PDE4D: variants seen among roughly 807,000 people sequenced by gnomAD.
PDE4D encodes the protein phosphodiesterase 4D.
In PDE4D, 24 loss-of-function variants were observed where a neutral mutation model predicts 87.4. That is an observed-to-expected ratio of 0.27 (90% confidence interval 0.20 to 0.39). The LOEUF (loss-of-function observed/expected upper bound fraction) is 0.39, where lower values mean the gene tolerates loss of function less well. Ranked by LOEUF, PDE4D falls within the 10% of genes least tolerant of loss-of-function variation. The pLI is 1.00. For synonymous variants in PDE4D, 384 were observed against 383.2 expected (o/e 1.00, Z -0.02); for missense variants, 714 against 1,041.0 (o/e 0.69, Z 4.32).
chr5:59,489,824 C>T (rs376051508), intron 1 of PDE4D, among the ~76,000 whole-genome samples: 4 of 152,140 alleles, frequency 2.6e-5, no homozygotes, highest in Admixed American at 2.6e-4. Context: ...AGTTTTCTCC[C>T]TATTTCTTTA....
intron 2 of PDE4D, among the ~76,000 whole-genome samples, chr5:60,163,335 A>T (rs1055781369): frequency 5.3e-5 from 8 of 151,898 alleles, no homozygotes; most frequent in Admixed American, 3.9e-4. Flanking sequence ...GTCCATTTCT[A>T]CATATTTTTT....
chr5:60,368,651 C>T (rs1480634283), intron 1 of PDE4D, among the ~76,000 whole-genome samples: 1 of 152,124 alleles, frequency 6.6e-6, no homozygotes, highest in African/African-American at 2.4e-5. Flanking sequence ...GAATTGTAAT[C>T]CCCAGTGTTA....
chr5:60,366,010 CTCCAGCCTGGGTGACAGAG>C (rs1322076168), intron 1 of PDE4D, among the ~76,000 whole-genome samples: 2 of 150,364 alleles, frequency 1.3e-5, no homozygotes, highest in Non-Finnish European at 2.9e-5. Flanking sequence ...TGCCCCTATG[CTCCAGCCTGGGTGACAGAG>C]TAAGACTCTG....
At chr5:60,012,702 C>A (rs1166891385) in intron 2 of PDE4D, among the ~76,000 whole-genome samples, 7 of 152,144 alleles carry the variant, frequency 4.6e-5, no homozygotes, top group Admixed American at 4.6e-4. Context: ...CATAGCCTGA[C>A]AGTTTCTGTG....
intron 5 of PDE4D, among the ~76,000 whole-genome samples, chr5:59,074,619 G>A (rs188672104): frequency 7.2e-5 from 11 of 152,204 alleles, no homozygotes; most frequent in Admixed American, 6.5e-4. Context: ...ATAACTAGGC[G>A]TGGTGGTGCA....
At chr5:60,313,404 A>T (rs1005080980) in intron 1 of PDE4D, among the ~76,000 whole-genome samples, 1 of 152,232 alleles carries the variant, frequency 6.6e-6, no homozygotes, top group Admixed American at 6.5e-5. Context: ...AATCCTGAAC[A>T]GACCAATGAC....
chr5:59,027,427 G>A (rs1287979262), intron 6 of PDE4D, among the ~76,000 whole-genome samples: 1 of 152,138 alleles, frequency 6.6e-6, no homozygotes, highest in East Asian at 1.9e-4. Flanking sequence ...CACTTACGGT[G>A]TAGGGGGTTA....
At chr5:60,110,020 A>C (rs1777508850) in intron 2 of PDE4D, among the ~76,000 whole-genome samples, 1 of 151,886 alleles carries the variant, frequency 6.6e-6, no homozygotes, top group African/African-American at 2.4e-5. Flanking sequence ...ATAATAATTA[A>C]AAAAAAATTA....
intron 3 of PDE4D, among the ~76,000 whole-genome samples, chr5:59,984,065 G>C (rs1398478064): frequency 6.6e-6 from 1 of 152,036 alleles, no homozygotes; most frequent in African/African-American, 2.4e-5. Context: ...ACTAATAGAA[G>C]CCAGACACAA....
chr5:59,875,891 G>C (rs1295634674), intron 1 of PDE4D, among the ~76,000 whole-genome samples: 1 of 152,136 alleles, frequency 6.6e-6, no homozygotes, highest in Non-Finnish European at 1.5e-5. Flanking sequence ...TTCTCACTTA[G>C]AGGTGGGAGC....
chr5:59,075,117 C>T (rs1765476303), intron 5 of PDE4D, among the ~76,000 whole-genome samples: 1 of 147,398 alleles, frequency 6.8e-6, no homozygotes, highest in Non-Finnish European at 1.5e-5. Flanking sequence ...CACACACACA[C>T]ACACACAATT....
chr5:60,158,623 C>T (rs1224260130), intron 2 of PDE4D, among the ~76,000 whole-genome samples: 1 of 152,158 alleles, frequency 6.6e-6, no homozygotes, highest in African/African-American at 2.4e-5. Context: ...AGTGCAGTGG[C>T]GCAATCTCGG....
At position 60,401,817 on chromosome 5, in the gene PDE4D, G is replaced by A. The variant is rs146409042; in HGVS notation, c.-90+86125C>T. Among the ~76,000 whole-genome samples the A allele has an allele frequency of 4.6e-5, 7 of 152,292 alleles. No homozygotes were observed. The South Asian group carries it at 6.2e-4, about 14-fold the overall frequency. On this transcript the variant is annotated intron_variant, in intron 1 of 16. Coordinates refer to the PDE4D transcript ENST00000502484. ...CCCAGAACATGTTTGCAGCATCTGCGTCAATCAACAGATATGTCTAGCCCA... is the reference window on the plus strand; with the variant it reads ...CCCAGAACATGTTTGCAGCATCTGCATCAATCAACAGATATGTCTAGCCCA...
At chr5:59,312,409 T>C (rs1024353910) in intron 1 of PDE4D, among the ~76,000 whole-genome samples, 1 of 152,180 alleles carries the variant, frequency 6.6e-6, no homozygotes, top group African/African-American at 2.4e-5. Flanking sequence ...GTTCCCCAGC[T>C]GGACCCCAAT....
chr5:59,174,432 C>G (rs1407647492), intron 5 of PDE4D: 1 of 152,620 alleles, frequency 6.6e-6, no homozygotes, highest in Non-Finnish European at 1.5e-5. Context: ...GTGTCTCCCC[C>G]TACAGGTAAA....
chr5:60,366,335 A>G (rs986287088), intron 1 of PDE4D, among the ~76,000 whole-genome samples: 1 of 152,094 alleles, frequency 6.6e-6, no homozygotes, highest in African/African-American at 2.4e-5. Flanking sequence ...CTCAAGTATA[A>G]CTGCCCCAAA....
At chr5:60,418,305 C>T (rs1742793581) in intron 1 of PDE4D, among the ~76,000 whole-genome samples, 1 of 152,042 alleles carries the variant, frequency 6.6e-6, no homozygotes, top group South Asian at 2.1e-4. Flanking sequence ...ATGTTATATC[C>T]CTATTTTTAA....
At chr5:60,293,900 T>C (rs1753147621) in intron 1 of PDE4D, among the ~76,000 whole-genome samples, 1 of 152,230 alleles carries the variant, frequency 6.6e-6, no homozygotes, top group South Asian at 2.1e-4. Flanking sequence ...CAAGTATTTA[T>C]GTATGATATA....
At chr5:60,298,196 G>A (rs1300130287) in intron 1 of PDE4D, among the ~76,000 whole-genome samples, 2 of 151,158 alleles carry the variant, frequency 1.3e-5, no homozygotes, top group Non-Finnish European at 2.9e-5. Context: ...AACTTATCAG[G>A]TACAGAAAAT....
Sources: allele counts gnomAD v4.1 joint callset (sites outside exome capture counted in the v4.1 genomes callset), GRCh38; gene constraint gnomAD v4.1.1; transcripts MANE v1.5; gene names NCBI Gene and HGNC (gene_info 2026-07-23, HGNC 2026-07-21).